Variants in ZNF343 observed in about 807,000 individuals in gnomAD.
ZNF343 encodes the protein zinc finger protein 343.
A neutral mutation model predicts 13.8 loss-of-function variants in ZNF343; 11 were observed. The ratio of observed to expected loss-of-function variants is 0.80; its 90% confidence interval spans 0.50 to 1.32. ZNF343 has a LOEUF of 1.32. Among genes scored for constraint, ZNF343 ranks in the 40% most tolerant of loss-of-function variants. The pLI is 0.00. For missense variants in ZNF343, 658 were observed against 714.2 expected (o/e 0.92, Z 0.90); for synonymous variants, 248 against 260.0 (o/e 0.95, Z 0.44).
intron 4 of ZNF343, 97 bp from the exon 5 acceptor site, chr20:2,492,922 G>A (rs2085390972): frequency 3.3e-6 from 5 of 1,534,032 alleles, no homozygotes; most frequent in Non-Finnish European, 3.5e-6. Context: ...GGATATGCAA[G>A]TTGATGTAAT....
intron 1 of ZNF343, 147 bp from the exon 2 acceptor site, chr20:2,500,889 G>C (rs527723062): frequency 6.6e-6 from 1 of 152,362 alleles, no homozygotes; most frequent in Admixed American, 6.5e-5. Flanking sequence ...CGAGCGACGC[G>C]GAAGACAGGT....
At chr20:2,496,808 C>T (rs548924379) in intron 2 of ZNF343, among the ~76,000 whole-genome samples, 3 of 152,326 alleles carry the variant, frequency 2.0e-5, no homozygotes, top group African/African-American at 4.8e-5. Context: ...CAGCCAGGCA[C>T]GGTGACTCAT....
upstream of ZNF343, among the ~76,000 whole-genome samples, chr20:2,509,557 A>G (rs2085724664): frequency 6.6e-6 from 1 of 152,182 alleles, no homozygotes; most frequent in Non-Finnish European, 1.5e-5. Flanking sequence ...CTCTTATCTA[A>G]GATCCCGGTT....
chr20:2,483,101 T>G lies in ZNF343; in HGVS notation c.*60A>C, dbSNP rs2085194427. The G allele has an allele frequency of 6.5e-7, 1 of 1,538,480 alleles. No individual in the cohort carries two copies. The highest frequency in any genetic ancestry group is 1.4e-5 in the African/African-American group (1 of 72,682). On this transcript the variant is annotated 3_prime_UTR_variant, in exon 6 of 6. Transcript: ENST00000278772. ...CCCCATGTGTCTCTCTGGGGTAACATGAGGCTTGACTGGTCACTCAGGTCT... is the reference window on the plus strand; with the variant it reads ...CCCCATGTGTCTCTCTGGGGTAACAGGAGGCTTGACTGGTCACTCAGGTCT...
In ZNF343 at chr20:2,493,545, T is replaced by C. The variant is rs757211768; in HGVS notation, c.151A>G (p.Lys51Glu). The C allele has an allele frequency of 1.3e-5, 21 of 1,613,596 alleles. No homozygotes were observed. The highest frequency in any genetic ancestry group is 3.3e-5 in the Admixed American group (2 of 59,960). Reference protein sequence around the residue: ...LPSNDTDCPQKKEGKAQIVVP... With the variant: ...LPSNDTDCPQEKEGKAQIVVP... Reference sequence around the variant, plus strand: ...ACTATTTGGGCCTTTCCCTCCTTTTTCTGGGGGCAGTCAGTATCATTAGAA... The same window carrying C: ...ACTATTTGGGCCTTTCCCTCCTTTTCCTGGGGGCAGTCAGTATCATTAGAA... The change falls in exon 4 of 6, where the codon AAA becomes GAA. Residue 51 changes from lysine (K) to glutamate (E), a missense_variant. Transcript: ENST00000278772.
rs1169803882 is a variant in ZNF343 at position 2,508,521 on chromosome 20, C to A, written c.-237+360G>T. Among the ~76,000 whole-genome samples the A allele has an allele frequency of 6.6e-6, 1 of 152,198 alleles. No homozygotes were observed. The highest frequency in any genetic ancestry group is 2.4e-5 in the African/African-American group (1 of 41,452). Reference sequence around the variant, plus strand: ...CATTTGGCCCTGGCAGAACTCAACCCCACAGCCCAAATAAACCCCAGGACG... The same window carrying A: ...CATTTGGCCCTGGCAGAACTCAACCACACAGCCCAAATAAACCCCAGGACG... On this transcript the variant is annotated intron_variant, in intron 1 of 5. Transcript: ENST00000278772. The surrounding 1 kb of genome is among the most constrained non-coding windows in gnomAD (Gnocchi z 4.5).
chr20:2,500,538 G>A (rs1265325095), intron 2 of ZNF343, 118 bp downstream of exon 2: 1 of 152,184 alleles, frequency 6.6e-6, no homozygotes, highest in Non-Finnish European at 1.5e-5. Flanking sequence ...AACAAGCAAG[G>A]CCTTGAGCCT....
rs2085210811 is a variant in ZNF343, at chr20:2,483,501, T to C, written c.1460A>G (p.His487Arg). The change falls in exon 6 of 6, where the codon CAC becomes CGC. Residue 487 changes from histidine to arginine, a missense_variant. Physicochemically the swap from His to Arg is conservative, Grantham distance 29. Coordinates refer to ENST00000278772, the MANE Select transcript of ZNF343 (RefSeq NM_024325.6). ...GCAGACATAATGCTTCTCCCCTGAG[T>C]GTGTCCTCTGGTGGACAAGGAGGAG... ...KSLLLVHQRT[H>R]SGEKHYVCRE... The C allele has an allele frequency of 6.2e-7, 1 of 1,612,504 alleles. No individual in the cohort carries two copies. The highest frequency in any genetic ancestry group is 1.1e-5 in the South Asian group (1 of 90,966).
rs1040824588 is a variant in ZNF343 at position 2,508,292 on chromosome 20, C to G, written c.-237+589G>C. On this transcript the variant is annotated intron_variant, in intron 1 of 5. Transcript: ENST00000278772. This position sits in a 1 kb window ranked among gnomAD's most constrained non-coding sequence, Gnocchi z 4.5. ...TCACCTCCACTTCCAACCCCCCAAC[C>G]CCTAATAAACCAAGGTCCATCAAGC... is the stretch of plus-strand genomic sequence containing the variant. Among the ~76,000 whole-genome samples the G allele has an allele frequency of 6.6e-6, 1 of 152,006 alleles. No homozygotes were observed. The highest frequency in any genetic ancestry group is 1.5e-5 in the Non-Finnish European group (1 of 68,002).
At chr20:2,500,584 G>C (rs545036875) in intron 2 of ZNF343, 72 bp downstream of exon 2, 49 of 152,326 alleles carry the variant, frequency 3.2e-4, no homozygotes, top group African/African-American at 1.1e-3. Context: ...ATGTCAGACG[G>C]GCAAAGGAAA....
chr20:2,506,770 G>A (rs1361779773), intron 1 of ZNF343, among the ~76,000 whole-genome samples: 1 of 152,032 alleles, frequency 6.6e-6, no homozygotes, highest in Non-Finnish European at 1.5e-5. Context: ...ACAGGAAGGG[G>A]AACATCACAC....
chr20:2,492,866 C>T, intron 4 of ZNF343, 41 bp from the exon 5 acceptor site: 1 of 1,606,944 alleles, frequency 6.2e-7, no homozygotes, highest in Non-Finnish European at 8.5e-7. Flanking sequence ...AAGCCACCAT[C>T]AATCTTCCCT....
chr20:2,484,379 G>T lies in ZNF343; in HGVS notation c.582C>A (p.Pro194=). 1 of 1,614,198 alleles carries T rather than the reference G, an allele frequency of 6.2e-7. No homozygotes were observed. Among genetic ancestry groups the T allele is most frequent in the Non-Finnish European group, 8.5e-7 (1 of 1,180,026 alleles). The change falls in exon 6 of 6, where the codon CCC becomes CCA. Residue 194 remains proline, a synonymous_variant. Transcript: ENST00000278772. The part of the protein sequence containing the change: ...TEERETSRAF[P]SPLQRQSASP... Reference sequence around the variant, plus strand: ...TTGCTGACTGTCTTTGGAGTGGGCTGGGGAATGCCCTTGAGGTTTCTCTCT... The same window carrying T: ...TTGCTGACTGTCTTTGGAGTGGGCTTGGGAATGCCCTTGAGGTTTCTCTCT...
intron 1 of ZNF343, among the ~76,000 whole-genome samples, chr20:2,515,894 A>C (rs1319260586): frequency 6.6e-6 from 1 of 152,038 alleles, no homozygotes; most frequent in Non-Finnish European, 1.5e-5. Flanking sequence ...CATCATCAGG[A>C]GGATTGGAGT....
upstream of ZNF343, among the ~76,000 whole-genome samples, chr20:2,511,807 ACAT>A (rs1198941934): frequency 2.0e-5 from 3 of 152,332 alleles, no homozygotes; most frequent in East Asian, 5.8e-4. Flanking sequence ...CCCACAGCTA[ACAT>A]CATACTCAAT....
chr20:2,520,827 G>A (rs2085779206), intron 1 of ZNF343, among the ~76,000 whole-genome samples: 1 of 152,062 alleles, frequency 6.6e-6, no homozygotes, highest in Non-Finnish European at 1.5e-5. Flanking sequence ...AGAATATTGG[G>A]GACAGTTGCT....
At chr20:2,497,885 T>TCATATGGCTCCTC (rs879657212) in intron 2 of ZNF343, among the ~76,000 whole-genome samples, 31 of 151,584 alleles carry the variant, frequency 2.0e-4, no homozygotes, top group South Asian at 6.3e-4. Flanking sequence ...CCCGGCTCCT[T>TCATATGGCTCCTC]CATATGGCTC....
At position 2,484,317 on chromosome 20, in the gene ZNF343, G is replaced by A. The variant is rs773986596; in HGVS notation, c.644C>T (p.Pro215Leu). The A allele has an allele frequency of 1.2e-6, 2 of 1,614,144 alleles. No homozygotes were observed. Among genetic ancestry groups the A allele is most frequent in the Non-Finnish European group, 1.7e-6 (2 of 1,180,034 alleles). Residue 215 changes from proline to leucine, a missense_variant, in exon 6 of 6, where the codon CCC becomes CTC. Coordinates refer to ENST00000278772, the MANE Select transcript of ZNF343 (RefSeq NM_024325.6). ...AGGGTTTGGTCTTTGGGCTGAGCTG[G>A]GCTCTGTTTCTACCACCATGTTGCC... ...RKGNMVVETEPSSAQRPNPVQ... is the reference protein window; with the variant it reads ...RKGNMVVETELSSAQRPNPVQ...
In ZNF343 at chr20:2,483,588, G is replaced by A. The variant is rs146214742; in HGVS notation, c.1373C>T (p.Thr458Met). The A allele has an allele frequency of 5.7e-3, 9,117 of 1,612,832 alleles. 29 individuals are homozygous for A. The highest frequency in any genetic ancestry group is 6.8e-3 in the Non-Finnish European group (8,074 of 1,179,812). ...DKSTLIIHERTHSGEKPYVCG... is the reference protein window; with the variant it reads ...DKSTLIIHERMHSGEKPYVCG... Reference sequence around the variant, plus strand: ...CACATAAGGCTTCTCTCCAGAGTGCGTCCGCTCGTGTATGATGAGGGTTGA... The same window carrying A: ...CACATAAGGCTTCTCTCCAGAGTGCATCCGCTCGTGTATGATGAGGGTTGA... The change falls in exon 6 of 6, where the codon ACG (threonine) becomes ATG (methionine). Residue 458 changes from threonine (T) to methionine (M), a missense_variant. Physicochemically the swap from Thr to Met is moderately conservative, Grantham distance 81. Coordinates refer to ENST00000278772, the MANE Select transcript of ZNF343 (RefSeq NM_024325.6).
Sources: gnomAD v4.1 joint callset for allele counts (sites outside exome capture counted in the v4.1 genomes callset) on GRCh38, gnomAD v4.1.1 for gene constraint, Gnocchi (gnomAD v3.1) non-coding constraint, MANE v1.5 for transcripts, NCBI Gene and HGNC (gene_info 2026-07-23, HGNC 2026-07-21) for gene names.